Variants in P2RY14 observed in about 807,000 individuals in gnomAD.
P2RY14 encodes P2Y purinoceptor 14.
In P2RY14, 2 loss-of-function variants were observed where a neutral mutation model predicts 0.9. The ratio of observed to expected loss-of-function variants is 2.16; its 90% CI spans 0.88 to 6.79. P2RY14 has a LOEUF of 6.79. Ranked by LOEUF, P2RY14 falls within the 30% of genes most tolerant of loss-of-function variation. P2RY14 has a pLI of 0.05. For synonymous variants in P2RY14, 158 were observed against 147.2 expected (o/e 1.07, Z -0.53); for missense variants, 378 against 400.1 (o/e 0.94, Z 0.47).
At position 151,219,388 on chromosome 3, in the gene P2RY14, G is replaced by A. The variant is rs1032724476; in HGVS notation, c.-25+147C>T. 1.3e-5 allele frequency: 2 copies of A among 152,138 alleles called. 1 individual carries two copies. The highest frequency in any genetic ancestry group is 1.3e-4 in the Admixed American group (2 of 15,274). The allele number at this position is 152,138 out of a possible 1,614,324, so 9.4% of individuals were successfully genotyped here. A position where few individuals can be genotyped will look rare whatever the true frequency, so the allele number is the denominator to read the frequency against. On this transcript the variant is annotated intron_variant, in intron 2 of 2. Transcript: ENST00000309170. ...ACTCATCTGTGTAATTATATACCAT[G>A]ACCTATTTTCCTCTTGTATTAGAAC...
At chr3:151,243,033 G>T (rs1462917161) in intron 1 of P2RY14, among the ~76,000 whole-genome samples, 2 of 151,510 alleles carry the variant, frequency 1.3e-5, no homozygotes, top group African/African-American at 4.9e-5. Flanking sequence ...AAGATGAAAT[G>T]AATGAAATGA....
intron 1 of P2RY14, among the ~76,000 whole-genome samples, chr3:151,226,742 A>C (rs1183738040): frequency 1.3e-5 from 2 of 152,224 alleles, no homozygotes. Flanking sequence ...TCTTCCAGAT[A>C]CTGCGGCATA....
intron 1 of P2RY14, among the ~76,000 whole-genome samples, chr3:151,233,798 C>T (rs1011489717): frequency 1.4e-4 from 21 of 152,204 alleles, no homozygotes; most frequent in African/African-American, 5.1e-4. Context: ...ATTCTTGGAT[C>T]GTTCCTGTTC....
At chr3:151,251,032 C>G (rs1736750797) in intron 1 of P2RY14, among the ~76,000 whole-genome samples, 1 of 152,178 alleles carries the variant, frequency 6.6e-6, no homozygotes, top group Admixed American at 6.5e-5. Context: ...CTCTGTGGTA[C>G]TTTGGCATAC....
chr3:151,270,778 C>T (rs1446156237), intron 1 of P2RY14, among the ~76,000 whole-genome samples: 2 of 152,140 alleles, frequency 1.3e-5, no homozygotes, highest in Non-Finnish European at 2.9e-5. Context: ...TTTAACATGA[C>T]ACATTTAAAA....
At chr3:151,226,655 A>G (rs750437443) in intron 1 of P2RY14, among the ~76,000 whole-genome samples, 1 of 151,616 alleles carries the variant, frequency 6.6e-6, no homozygotes, top group Non-Finnish European at 1.5e-5. Flanking sequence ...TATGTTTGAG[A>G]GTATATATAT....
At chr3:151,273,337 T>TCTC (rs1251120352) in intron 1 of P2RY14, among the ~76,000 whole-genome samples, 4 of 150,584 alleles carry the variant, frequency 2.7e-5, no homozygotes, top group African/African-American at 9.8e-5. Flanking sequence ...TTCAAGCAAT[T>TCTC]CTGCCTCAGC....
intron 1 of P2RY14, among the ~76,000 whole-genome samples, chr3:151,267,673 T>C (rs6793672): frequency 6.6e-6 from 1 of 152,102 alleles, no homozygotes; most frequent in African/African-American, 2.4e-5. Context: ...TCTTGTAACA[T>C]GTATTACTTA....
intron 1 of P2RY14, among the ~76,000 whole-genome samples, chr3:151,237,344 T>C (rs1032964141): frequency 5.8e-5 from 4 of 69,260 alleles, no homozygotes; most frequent in Non-Finnish European, 9.2e-5. Context: ...GGCTTTTTTT[T>C]TTTTTCTTTT....
chr3:151,242,542 C>T (rs1335545474), intron 1 of P2RY14, among the ~76,000 whole-genome samples: 1 of 152,210 alleles, frequency 6.6e-6, no homozygotes, highest in Non-Finnish European at 1.5e-5. Context: ...TCCAACAGAC[C>T]TGCAGCTGAG....
Position 151,213,614 on chromosome 3 carries a change from T to C in P2RY14, c.703A>G (p.Ile235Val). ...AAAAACACAAACACGATGCTGAATA[T>C]GTTGCGGCTAGATTTCTTTTTGACC... ...TSVKKKSSRN[I>V]FSIVFVFFVC... Residue 235 changes from isoleucine (I) to valine (V), a missense_variant, in exon 3 of 3, where the codon ATA becomes GTA. Ile to Val is a conservative substitution (Grantham distance 29). Coordinates refer to ENST00000309170, the MANE Select transcript of P2RY14 (RefSeq NM_014879.4). The C allele has an allele frequency of 1.9e-6, 3 of 1,614,182 alleles. No homozygotes were observed. The highest frequency in any genetic ancestry group is 2.5e-6 in the Non-Finnish European group (3 of 1,180,022).
In P2RY14 at chr3:151,213,665, GGTGGGACTTAAA is replaced by G; in HGVS notation, c.640_651del (p.Phe214_His217del). 6.2e-7 allele frequency: 1 copy of G among 1,614,130 alleles called. No homozygotes were observed. On this transcript the variant is annotated inframe_deletion, in exon 3 of 3. Coordinates refer to ENST00000309170, the MANE Select transcript of P2RY14 (RefSeq NM_014879.4). ...GAAGTGGAATTCCGACTTGACTTAA[GGTGGGACTTAAA>G]GATTTTCTTTGTGATAGCAGTATAG...
At chr3:151,246,431 C>A (rs1295662305) in intron 1 of P2RY14, among the ~76,000 whole-genome samples, 2 of 151,920 alleles carry the variant, frequency 1.3e-5, no homozygotes, top group Non-Finnish European at 2.9e-5. Context: ...AGATATAGAT[C>A]AATGGAACAG....
intron 1 of P2RY14, among the ~76,000 whole-genome samples, chr3:151,257,094 A>G (rs1305643585): frequency 6.6e-6 from 1 of 152,178 alleles, no homozygotes; most frequent in African/African-American, 2.4e-5. Context: ...TTTTAAAAAG[A>G]AATGCTTATG....
chr3:151,218,084 G>A (rs1369441137), intron 2 of P2RY14, among the ~76,000 whole-genome samples: 1 of 152,166 alleles, frequency 6.6e-6, no homozygotes, highest in Non-Finnish European at 1.5e-5. Flanking sequence ...ATGATTTAAT[G>A]TCCTCATACA....
At position 151,253,500 on chromosome 3, in the gene P2RY14, T is replaced by C. The variant is rs140486110; in HGVS notation, c.-133+24787A>G. Reference sequence around the variant, plus strand: ...CATGGGCCCTCTTAAATTTCAACTTTAGTGGAGCTTTCCTTTATGTTCTTA... The same window carrying C: ...CATGGGCCCTCTTAAATTTCAACTTCAGTGGAGCTTTCCTTTATGTTCTTA... On this transcript the variant is annotated intron_variant, in intron 1 of 2. Coordinates refer to ENST00000309170, the MANE Select transcript of P2RY14 (RefSeq NM_014879.4). Among the ~76,000 whole-genome samples the C allele has an allele frequency of 2.0e-5, 3 of 152,328 alleles. No individual in the cohort carries two copies. The East Asian group carries it at 5.8e-4, about 29-fold the overall frequency.
intron 1 of P2RY14, chr3:151,270,216 T>TGTGTGC (rs1465367342): frequency 5.1e-5 from 8 of 156,138 alleles, no homozygotes; most frequent in African/African-American, 2.0e-4. Context: ...TGTGTGTGTG[T>TGTGTGC]GTGTGTGTGT....
At chr3:151,221,869 C>G (rs1292976717) in intron 1 of P2RY14, among the ~76,000 whole-genome samples, 3 of 152,172 alleles carry the variant, frequency 2.0e-5, no homozygotes, top group East Asian at 3.9e-4. Context: ...GGGCCAACAT[C>G]CTCCACACTC....
At chr3:151,239,289 A>G (rs1733592453) in intron 1 of P2RY14, among the ~76,000 whole-genome samples, 1 of 152,264 alleles carries the variant, frequency 6.6e-6, no homozygotes, top group Admixed American at 6.5e-5. Context: ...ATTCATTGAC[A>G]TGGTTTTAGA....
Sources: allele counts gnomAD v4.1 joint callset (sites outside exome capture counted in the v4.1 genomes callset), GRCh38; gene constraint gnomAD v4.1.1; transcripts MANE v1.5; gene names NCBI Gene and HGNC (gene_info 2026-07-23, HGNC 2026-07-21).